Variants in NOTCH1 observed in about 807,000 individuals in gnomAD.
The protein encoded by NOTCH1 is notch receptor 1.
In NOTCH1, 37 loss-of-function variants were observed where a neutral mutation model predicts 254.8. That is an observed-to-expected ratio of 0.15 (90% CI 0.11 to 0.19). The LOEUF is 0.19. Among genes scored for constraint, NOTCH1 ranks in the 10% least tolerant of loss-of-function variants. NOTCH1 has a pLI of 1.00. For synonymous variants in NOTCH1, 1,731 were observed against 1,618.1 expected (o/e 1.07, Z -1.68); for missense variants, 2,972 against 3,708.6 (o/e 0.80, Z 5.16).
At position 136,503,323 on chromosome 9, in the gene NOTCH1, C is replaced by T. The variant is rs1261408162; in HGVS notation, c.5026G>A (p.Val1676Ile). 8 of 1,612,764 alleles carry T rather than the reference C, an allele frequency of 5.0e-6. No homozygotes were observed. Among genetic ancestry groups the T allele is most frequent in the East Asian group, 2.2e-5 (1 of 44,882 alleles). ...TGCCGGTTGTCAATCTCCAGGTAGA[C>T]GATGGAGCTGGGCGGACAATCAGAG... is the stretch of plus-strand genomic sequence containing the variant. The part of the protein sequence containing the change: ...LDPMDVRGSI[V>I]YLEIDNRQCV... Residue 1676 changes from valine (V) to isoleucine (I), a missense_variant, in exon 27 of 34, where the codon GTC becomes ATC. By Grantham distance (29) the Val-to-Ile change is conservative. Around this residue, in one of 8 missense-constraint regions of NOTCH1, gnomAD observed 1,343 missense variants for 1,557.0 expected, o/e 0.86. Transcript: ENST00000651671.
In NOTCH1 at chr9:136,513,206, C is replaced by G; in HGVS notation, c.2354-72G>C. The G allele has an allele frequency of 6.8e-7, 1 of 1,462,760 alleles. No individual in the cohort carries two copies. The highest frequency in any genetic ancestry group is 2.3e-5 in the East Asian group (1 of 44,022). 90.6% of individuals were successfully genotyped at this position (1,462,760 alleles called of 1,614,324 possible). ...CCTTGGCAGGGCCCCACAACAGCAG[C>G]CCTGGGCCTGCTCCCCACCCCAGGC... On this transcript the variant is annotated intron_variant, in intron 14 of 33. Coordinates refer to ENST00000651671, the MANE Select transcript of NOTCH1 (RefSeq NM_017617.5). The surrounding 1 kb of genome is among the most constrained non-coding windows in gnomAD (Gnocchi z 4.7).
At position 136,514,690 on chromosome 9, in the gene NOTCH1, T is replaced by G; in HGVS notation, c.2027A>C (p.Asn676Thr). The G allele has an allele frequency of 6.2e-7, 1 of 1,612,420 alleles. No homozygotes were observed. Among genetic ancestry groups the G allele is most frequent in the Non-Finnish European group, 8.5e-7 (1 of 1,179,852 alleles). Reference sequence around the variant, plus strand: ...GCCCGCACACTCATCGATGTTGATGTTACACATGCTCCCTAAGGGCAGGGC... The same window carrying G: ...GCCCGCACACTCATCGATGTTGATGGTACACATGCTCCCTAAGGGCAGGGC... Reference protein sequence around the residue: ...CEPGYTGSMCNINIDECAGNP... With the variant: ...CEPGYTGSMCTINIDECAGNP... The change falls in exon 13 of 34, where the codon AAC (asparagine) becomes ACC (threonine). Residue 676 changes from asparagine to threonine, a missense_variant. Asn to Thr is a moderately conservative substitution (Grantham distance 65). Transcript: ENST00000651671.
chr9:136,499,602 C>T (rs1842966132), intron 31 of NOTCH1, among the ~76,000 whole-genome samples: 3 of 152,192 alleles, frequency 2.0e-5, no homozygotes, highest in South Asian at 2.1e-4. Context: ...TTACAGCTGG[C>T]ACTCAGGAAG....
intron 2 of NOTCH1, among the ~76,000 whole-genome samples, chr9:136,535,719 GGA>G (rs56358774): frequency 3.5e-4 from 8 of 23,046 alleles, no homozygotes; most frequent in Non-Finnish European, 5.0e-4. Flanking sequence ...GTGCAGGGTG[GGA>G]GTGGGTGGAG....
intron 2 of NOTCH1, among the ~76,000 whole-genome samples, chr9:136,532,611 C>G (rs963238767): frequency 2.6e-5 from 4 of 152,198 alleles, no homozygotes; most frequent in African/African-American, 9.6e-5. Flanking sequence ...GCCGCCATGA[C>G]TCCGTAGCCA....
rs1193836562 is a variant in NOTCH1, at chr9:136,545,332, C to A, written c.61+394G>T. ...GGCGAAGAAGAAAGAAGATAAATGG[C>A]CCGGAGAAGCAACAGGAAACCAAAA... On this transcript the variant is annotated intron_variant, in intron 1 of 33. Transcript: ENST00000651671. The surrounding 1 kb of genome is among the most constrained non-coding windows in gnomAD (Gnocchi z 6.8). 6.6e-6 allele frequency among the ~76,000 whole-genome samples: 1 copy of A among 152,136 alleles called. No homozygotes were observed. Among genetic ancestry groups the A allele is most frequent in the Admixed American group, 6.5e-5 (1 of 15,280 alleles).
At position 136,502,094 on chromosome 9, in the gene NOTCH1, G is replaced by T. The variant is rs778564615; in HGVS notation, c.5385-6C>A. Reference sequence around the variant, plus strand: ...CTGAAGCGTTCTTCAGGGGCCTGGGGGGTGAGGGGTCGAGAAGTGAGGCTG... The same window carrying T: ...CTGAAGCGTTCTTCAGGGGCCTGGGTGGTGAGGGGTCGAGAAGTGAGGCTG... On this transcript the variant is annotated splice_region_variant and splice_polypyrimidine_tract_variant and intron_variant, in intron 28 of 33. Coordinates refer to ENST00000651671, the MANE Select transcript of NOTCH1 (RefSeq NM_017617.5). The T allele has an allele frequency of 1.2e-6, 2 of 1,612,970 alleles. No individual in the cohort carries two copies. The highest frequency in any genetic ancestry group is 1.6e-4 in the Middle Eastern group (1 of 6,062).
chr9:136,534,574 C>G (rs78664929), intron 2 of NOTCH1, among the ~76,000 whole-genome samples: 1 of 152,168 alleles, frequency 6.6e-6, no homozygotes, highest in African/African-American at 2.4e-5. Context: ...CCAGACTGAA[C>G]AGCCCCGTGC....
intron 2 of NOTCH1, among the ~76,000 whole-genome samples, chr9:136,532,310 T>C (rs1271093041): frequency 6.6e-6 from 1 of 152,204 alleles, no homozygotes; most frequent in East Asian, 1.9e-4. Context: ...TCCAAGGCAC[T>C]GAATAATGCC....
intron 2 of NOTCH1, among the ~76,000 whole-genome samples, chr9:136,531,624 C>T (rs79764723): frequency 0.035 from 5,299 of 152,250 alleles, 129 homozygotes; most frequent in Non-Finnish European, 0.051. Flanking sequence ...TCCTTCCTCC[C>T]GCCCAGCAGG....
In NOTCH1 at chr9:136,497,417, C is replaced by T. The variant is rs780963597; in HGVS notation, c.6322G>A (p.Asp2108Asn). 7 of 1,611,700 alleles carry T rather than the reference C, an allele frequency of 4.3e-6. No individual in the cohort carries two copies. Among genetic ancestry groups the T allele is most frequent in the Non-Finnish European group, 5.9e-6 (7 of 1,179,916 alleles). Reference sequence around the variant, plus strand: ...TACTCGTCCAGCAGCCTCACGATGTCGTGATGCATGCGCTCCTGTGCGATG... The same window carrying T: ...TACTCGTCCAGCAGCCTCACGATGTTGTGATGCATGCGCTCCTGTGCGATG... ...RDIAQERMHH[D>N]IVRLLDEYNL... Residue 2108 changes from aspartate (D) to asparagine (N), a missense_variant, in exon 34 of 34, where the codon GAC becomes AAC. Transcript: ENST00000651671.
chr9:136,515,456 C>G (rs1052505550), intron 11 of NOTCH1, 27 bp downstream of exon 11: 1 of 1,611,526 alleles, frequency 6.2e-7, no homozygotes, highest in Non-Finnish European at 8.5e-7. Context: ...CACTGGCCCC[C>G]CGCCGGCCAC....
chr9:136,513,403 T>A lies in NOTCH1; in HGVS notation c.2342A>T (p.Glu781Val). 5 of 1,612,808 alleles carry A rather than the reference T, an allele frequency of 3.1e-6. No individual in the cohort carries two copies. The highest frequency in any genetic ancestry group is 4.2e-6 in the Non-Finnish European group (5 of 1,179,982). Reference protein sequence around the residue: ...MTSGYVCTCREGFSGPNCQTN... With the variant: ...MTSGYVCTCRVGFSGPNCQTN... ...CGCAGCCCACTCACCGCTGAAGCCC[T>A]CCCGGCAGGTGCACACGTAGCCACT... The change falls in exon 14 of 34, where the codon GAG (glutamate) becomes GTG (valine). Residue 781 changes from glutamate (E) to valine (V), a missense_variant. Glu to Val is a moderately radical substitution (Grantham distance 121, BLOSUM62 -2). This residue lies in a region of NOTCH1 where 1,343 missense variants were observed against 1,557.0 expected (regional missense o/e 0.86). Coordinates refer to ENST00000651671, the MANE Select transcript of NOTCH1 (RefSeq NM_017617.5). This position sits in a 1 kb window ranked among gnomAD's most constrained non-coding sequence, Gnocchi z 4.7.
At chr9:136,526,808 G>A (rs1275787423) in intron 2 of NOTCH1, among the ~76,000 whole-genome samples, 3 of 152,246 alleles carry the variant, frequency 2.0e-5, no homozygotes, top group Non-Finnish European at 2.9e-5. Context: ...TAAATCAGGC[G>A]TCGGTGCTCG....
intron 4 of NOTCH1, among the ~76,000 whole-genome samples, chr9:136,522,008 C>CCTGA (rs1295881947): frequency 2.0e-5 from 3 of 147,398 alleles, no homozygotes; most frequent in African/African-American, 7.6e-5. Flanking sequence ...GACGGAGTCT[C>CCTGA]GCTCTGTCGC....
At chr9:136,522,305 T>C (rs1193337391) in intron 4 of NOTCH1, among the ~76,000 whole-genome samples, 2 of 152,172 alleles carry the variant, frequency 1.3e-5, no homozygotes, top group Admixed American at 6.5e-5. Flanking sequence ...AACTCTTCCT[T>C]ATTTTTAGAG....
rs2133319491 is a variant in NOTCH1 at position 136,497,556 on chromosome 9, C to G, written c.6183G>C (p.Glu2061Asp). 6.3e-7 allele frequency: 1 copy of G among 1,597,494 alleles called. No individual in the cohort carries two copies. The highest frequency in any genetic ancestry group is 2.2e-5 in the East Asian group (1 of 44,580). ...GGGCGGCCAGAAACAGGGGTGTCTC[C>G]TCCTGGGGGATGAGGGCGGGGGCCG... ...GANKDMQNNREETPLFLAARE... is the reference protein window; with the variant it reads ...GANKDMQNNRDETPLFLAARE... The change falls in exon 34 of 34, where the codon GAG becomes GAC. Residue 2061 changes from glutamate to aspartate, a missense_variant and splice_region_variant. Glu to Asp is a conservative substitution (Grantham distance 45, BLOSUM62 2). Transcript: ENST00000651671.
At chr9:136,500,207 G>A (rs1001653491) in intron 31 of NOTCH1, among the ~76,000 whole-genome samples, 21 of 152,300 alleles carry the variant, frequency 1.4e-4, no homozygotes, top group Middle Eastern at 3.4e-3. Context: ...AGGGAGGGGC[G>A]GGGCTGCGAG....
chr9:136,499,066 G>A lies in NOTCH1; in HGVS notation c.6082+46C>T, dbSNP rs766356007. 168 of 1,612,640 alleles carry A rather than the reference G, an allele frequency of 1.0e-4. 2 individuals are homozygous for A. In the Middle Eastern group the frequency reaches 6.1e-3, roughly 59 times the overall value. On this transcript the variant is annotated intron_variant, in intron 32 of 33. Transcript: ENST00000651671. Reference sequence around the variant, plus strand: ...GCAACCCAGTCCCACCCGTCCCTGTGGCGGTCCCGCCCCACGACAGAGCAG... The same window carrying A: ...GCAACCCAGTCCCACCCGTCCCTGTAGCGGTCCCGCCCCACGACAGAGCAG...
Sources: allele counts gnomAD v4.1 joint callset (sites outside exome capture counted in the v4.1 genomes callset), GRCh38; gene constraint gnomAD v4.1.1; regional missense constraint gnomAD v4.1.1; non-coding constraint Gnocchi (gnomAD v3.1); transcripts MANE v1.5; gene names NCBI Gene and HGNC (gene_info 2026-07-23, HGNC 2026-07-21).